ESRRG: variants seen among roughly 807,000 people sequenced by gnomAD.
ESRRG encodes the protein estrogen related receptor gamma.
In ESRRG, 13 loss-of-function variants were observed where a neutral mutation model predicts 44.0. The ratio of observed to expected loss-of-function variants is 0.30; its 90% confidence interval spans 0.19 to 0.47. The LOEUF (loss-of-function observed/expected upper bound fraction) is 0.47. Ranked by LOEUF, ESRRG falls within the 20% of genes least tolerant of loss-of-function variation. ESRRG has a pLI of 1.00. For missense variants in ESRRG, 395 were observed against 580.6 expected, an observed-to-expected ratio of 0.68 and a Z score of 3.29; for synonymous variants, 215 against 214.6, an observed-to-expected ratio of 1.00 and a Z score of -0.02.
intron 1 of ESRRG, among the ~76,000 whole-genome samples, chr1:217,002,766 C>T (rs1460591885): frequency 6.6e-6 from 1 of 152,104 alleles, no homozygotes; most frequent in African/African-American, 2.4e-5. Flanking sequence ...AATTTGCCAG[C>T]CATATGAGCA....
At chr1:216,715,931 A>G (rs1288442164) in intron 1 of ESRRG, among the ~76,000 whole-genome samples, 1 of 152,112 alleles carries the variant, frequency 6.6e-6, no homozygotes, top group East Asian at 1.9e-4. Flanking sequence ...TGATCATGGA[A>G]AAAAAGAATT....
At chr1:216,866,313 T>A (rs1229889165) in intron 2 of ESRRG, among the ~76,000 whole-genome samples, 1 of 152,174 alleles carries the variant, frequency 6.6e-6, no homozygotes, top group Non-Finnish European at 1.5e-5. Flanking sequence ...CATATGTACA[T>A]CCCCTTTATA....
chr1:216,985,323 C>T (rs2074683189), intron 1 of ESRRG, among the ~76,000 whole-genome samples: 1 of 152,184 alleles, frequency 6.6e-6, no homozygotes, highest in Admixed American at 6.5e-5. Context: ...CAACCCACCT[C>T]CACGCACTGG....
intron 1 of ESRRG, among the ~76,000 whole-genome samples, chr1:216,722,907 TG>T (rs988318853): frequency 6.6e-6 from 1 of 152,130 alleles, no homozygotes; most frequent in Admixed American, 6.6e-5. Flanking sequence ...CTTGGGAAAA[TG>T]GGTCCTAGTA....
intron 1 of ESRRG, among the ~76,000 whole-genome samples, chr1:217,055,214 C>G (rs950140034): frequency 1.3e-5 from 2 of 152,000 alleles, no homozygotes; most frequent in Non-Finnish European, 2.9e-5. Flanking sequence ...TAGGCAAGGC[C>G]TTTCTGGTGA....
At chr1:216,734,353 C>T (rs768514336) in intron 2 of ESRRG, among the ~76,000 whole-genome samples, 2 of 152,096 alleles carry the variant, frequency 1.3e-5, no homozygotes, top group Admixed American at 6.6e-5. Flanking sequence ...GTGTTGGAGG[C>T]GGGCCTAGTG....
intron 2 of ESRRG, among the ~76,000 whole-genome samples, chr1:216,915,418 CTCCT>C (rs1223402578): frequency 2.0e-5 from 3 of 152,194 alleles, no homozygotes; most frequent in Non-Finnish European, 4.4e-5. Flanking sequence ...ACATTCCTCT[CTCCT>C]TAAGGAGGCT....
intron 2 of ESRRG, among the ~76,000 whole-genome samples, chr1:216,855,516 A>G (rs1192085330): frequency 1.3e-5 from 2 of 152,246 alleles, no homozygotes; most frequent in Non-Finnish European, 2.9e-5. Flanking sequence ...AAGGTAACGT[A>G]GAACCTGAGG....
chr1:217,088,426 TGA>T (rs1233452415), intron 1 of ESRRG, among the ~76,000 whole-genome samples: 12 of 101,118 alleles, frequency 1.2e-4, no homozygotes, highest in East Asian at 2.7e-4. Flanking sequence ...TTTTTTTTTT[TGA>T]GAGAGAGAGA....
intron 2 of ESRRG, among the ~76,000 whole-genome samples, chr1:216,926,861 C>T (rs989272971): frequency 6.6e-6 from 1 of 150,996 alleles, no homozygotes; most frequent in Non-Finnish European, 1.5e-5. Flanking sequence ...GGGTGGAATG[C>T]TGAATGCTGA....
chr1:216,837,043 A>G (rs1310329524), intron 2 of ESRRG, among the ~76,000 whole-genome samples: 1 of 152,212 alleles, frequency 6.6e-6, no homozygotes, highest in Non-Finnish European at 1.5e-5. Context: ...TTATAATAAA[A>G]ATAAATAATA....
At chr1:216,589,954 A>T (rs963785310) in intron 3 of ESRRG, among the ~76,000 whole-genome samples, 1 of 143,124 alleles carries the variant, frequency 7.0e-6, no homozygotes, top group Non-Finnish European at 1.5e-5. Context: ...AATTTAGCCC[A>T]CAAAATAGAG....
chr1:216,707,330 T>C, intron 1 of ESRRG: 2 of 1,535,290 alleles, frequency 1.3e-6, no homozygotes, highest in East Asian at 2.4e-5. Flanking sequence ...GGTGATCAAG[T>C]CTTCACAAAG....
At chr1:216,708,241 A>G (rs571108167) in intron 1 of ESRRG, among the ~76,000 whole-genome samples, 40 of 152,262 alleles carry the variant, frequency 2.6e-4, no homozygotes, top group African/African-American at 9.4e-4. Flanking sequence ...AGTATAAATA[A>G]AGAATGAAGA....
intron 1 of ESRRG, among the ~76,000 whole-genome samples, chr1:216,966,126 G>A (rs901872997): frequency 1.3e-5 from 2 of 152,210 alleles, no homozygotes; most frequent in Admixed American, 1.3e-4. Flanking sequence ...TATAAGCCAG[G>A]TACATTCATG....
chr1:216,803,812 A>C (rs2148347552), intron 2 of ESRRG, among the ~76,000 whole-genome samples: 1 of 152,202 alleles, frequency 6.6e-6, no homozygotes, highest in East Asian at 1.9e-4. Context: ...TCTCCCCAGT[A>C]AAAATTACCC....
chr1:216,586,886 G>A (rs928794708), intron 3 of ESRRG, among the ~76,000 whole-genome samples: 4 of 151,980 alleles, frequency 2.6e-5, no homozygotes, highest in African/African-American at 9.7e-5. Flanking sequence ...CAAATTTTAA[G>A]CTTTCAACAC....
intron 2 of ESRRG, among the ~76,000 whole-genome samples, chr1:216,841,564 T>G (rs1376487185): frequency 6.6e-6 from 1 of 152,178 alleles, no homozygotes; most frequent in African/African-American, 2.4e-5. Flanking sequence ...GCAGCCCACT[T>G]TGGAGAGCTG....
At chr1:216,767,454 G>A (rs898904248) in intron 2 of ESRRG, among the ~76,000 whole-genome samples, 1 of 152,114 alleles carries the variant, frequency 6.6e-6, no homozygotes, top group African/African-American at 2.4e-5. Flanking sequence ...GTAACAATGA[G>A]TTTAAAGCTA....
Sources: allele counts gnomAD v4.1 joint callset (sites outside exome capture counted in the v4.1 genomes callset), GRCh38; gene constraint gnomAD v4.1.1; transcripts MANE v1.5; gene names NCBI Gene and HGNC (gene_info 2026-07-23, HGNC 2026-07-21).